CDON: variants seen among roughly 807,000 people sequenced by gnomAD.
CDON encodes cell adhesion associated, oncogene regulated, also known as cell adhesion molecule-related/down-regulated by oncogenes.
In CDON, 73 loss-of-function variants were observed where a neutral mutation model predicts 120.9. The observed-to-expected ratio is 0.60, with a 90% confidence interval of 0.50 to 0.73. The LOEUF is 0.73. CDON is among the 30% of genes least tolerant of loss of function. The probability of loss-of-function intolerance (pLI) is 0.00; values close to 1 mark genes in which losing one functional copy is unlikely to be tolerated. For missense variants in CDON, 1,470 were observed against 1,587.3 expected (o/e 0.93, Z 1.26); for synonymous variants, 566 against 573.5 (o/e 0.99, Z 0.19).
intron 1 of CDON, among the ~76,000 whole-genome samples, chr11:126,036,924 T>C (rs945541750): frequency 6.6e-6 from 1 of 152,146 alleles, no homozygotes; most frequent in African/African-American, 2.4e-5. Context: ...CTGGCCTCAA[T>C]CGATCTGCCT....
At chr11:125,998,987 T>C (rs996487029) in intron 11 of CDON, among the ~76,000 whole-genome samples, 1 of 152,130 alleles carries the variant, frequency 6.6e-6, no homozygotes, top group Non-Finnish European at 1.5e-5. Flanking sequence ...CAACCCACCA[T>C]ACAAATACAT....
At position 126,005,827 on chromosome 11, in the gene CDON, T is replaced by C; in HGVS notation, c.1783A>G (p.Asn595Asp). 1 of 1,614,042 alleles carries C rather than the reference T, an allele frequency of 6.2e-7. No homozygotes were observed. The highest frequency in any genetic ancestry group is 1.7e-5 in the Admixed American group (1 of 60,022). Residue 595 changes from asparagine (N) to aspartate (D), a missense_variant, in exon 9 of 20, where the codon AAC becomes GAC. Transcript: ENST00000531738. ...PPQTHTPDTY[N>D]LVWRAGKDGG... Reference sequence around the variant, plus strand: ...TCCTTGCCTGCCCTCCACACCAGGTTGTACGTGTCTGGTGTGTGGGTCTGT... The same window carrying C: ...TCCTTGCCTGCCCTCCACACCAGGTCGTACGTGTCTGGTGTGTGGGTCTGT...
chr11:125,985,318 C>A (rs978159659), intron 15 of CDON, among the ~76,000 whole-genome samples: 1 of 152,186 alleles, frequency 6.6e-6, no homozygotes, highest in Non-Finnish European at 1.5e-5. Context: ...GGATTACACA[C>A]ATGTGCCCCC....
rs1290394665 is a variant in CDON, at chr11:125,981,121, C to T, written c.3204G>A (p.Gly1068=). Reference sequence around the variant, plus strand: ...GAGAGTTGCTGTGCCCGGAGTAAAGCCCTCCATTTAGGCTCCCATTCACAA... The same window carrying T: ...GAGAGTTGCTGTGCCCGGAGTAAAGTCCTCCATTTAGGCTCCCATTCACAA... ...NGIVNGSLNG[G]LYSGHSNSLT... The change falls in exon 17 of 20, where the codon GGG becomes GGA. Residue 1068 remains glycine (G), a synonymous_variant. Transcript: ENST00000531738. The T allele has an allele frequency of 6.2e-7, 1 of 1,614,136 alleles. No individual in the cohort carries two copies. The highest frequency in any genetic ancestry group is 1.3e-5 in the African/African-American group (1 of 75,048).
chr11:126,050,492 GCAAA>G (rs1948529141), intron 1 of CDON, among the ~76,000 whole-genome samples: 1 of 105,368 alleles, frequency 9.5e-6, no homozygotes, highest in Admixed American at 1.1e-4. Flanking sequence ...CCTGTAAGTA[GCAAA>G]CACACACACA....
At chr11:126,001,987 C>T in intron 10 of CDON, 137 bp from the exon 11 acceptor site, 1 of 697,312 alleles carries the variant, frequency 1.4e-6, no homozygotes, top group Non-Finnish European at 2.6e-6. Context: ...AAATGTAAGA[C>T]CTACTTCATA....
In CDON at chr11:126,010,372, A is replaced by G; in HGVS notation, c.1521T>C (p.Gly507=). The G allele has an allele frequency of 6.2e-7, 1 of 1,613,062 alleles. No homozygotes were observed. The highest frequency in any genetic ancestry group is 2.2e-5 in the East Asian group (1 of 44,816). ...TGAGAGATGCTTCTGCCTGTGTGGTACCATGTTCATTTGCAGCTTCGCAGA... is the reference window on the plus strand; with the variant it reads ...TGAGAGATGCTTCTGCCTGTGTGGTGCCATGTTCATTTGCAGCTTCGCAGA... ...KYICEAANEH[G]TTQAEASLMV... Residue 507 remains glycine (G), a synonymous_variant, in exon 8 of 20, where the codon GGT becomes GGC. Coordinates refer to ENST00000531738, the MANE Select transcript of CDON (RefSeq NM_001378964.1).
intron 18 of CDON, among the ~76,000 whole-genome samples, chr11:125,965,215 G>A (rs1257275099): frequency 9.2e-5 from 14 of 152,220 alleles, no homozygotes; most frequent in Admixed American, 7.8e-4. Flanking sequence ...ACGGGCGTAA[G>A]CCATCACGCC....
In CDON at chr11:125,994,903, C is replaced by T. The variant is rs1198900154; in HGVS notation, c.2512G>A (p.Val838Ile). The change falls in exon 13 of 20, where the codon GTC (valine) becomes ATC (isoleucine). Residue 838 changes from valine to isoleucine, a missense_variant. By Grantham distance (29) the Val-to-Ile change is conservative (BLOSUM62 3). Transcript: ENST00000531738. Reference sequence around the variant, plus strand: ...TTTAGCATGATCTGAGTATCGCTGACAGCCTCTGTGTATGCAATGTGAGGT... The same window carrying T: ...TTTAGCATGATCTGAGTATCGCTGATAGCCTCTGTGTATGCAATGTGAGGT... ...TGPHIAYTEA[V>I]SDTQIMLKWT... 6.2e-7 allele frequency: 1 copy of T among 1,614,096 alleles called. No individual in the cohort carries two copies. Among genetic ancestry groups the T allele is most frequent in the Non-Finnish European group, 8.5e-7 (1 of 1,179,978 alleles).
chr11:126,032,082 G>A (rs971607770), intron 1 of CDON, among the ~76,000 whole-genome samples: 4 of 152,138 alleles, frequency 2.6e-5, no homozygotes. Flanking sequence ...CAATAGACAT[G>A]CTTTACACTA....
chr11:126,042,874 C>T (rs1008661728), intron 1 of CDON, among the ~76,000 whole-genome samples: 1 of 152,190 alleles, frequency 6.6e-6, no homozygotes, highest in Non-Finnish European at 1.5e-5. Context: ...CCACCTGCCT[C>T]GGCCTCCCAA....
chr11:125,971,250 G>A (rs965013595), intron 18 of CDON, among the ~76,000 whole-genome samples: 17 of 151,972 alleles, frequency 1.1e-4, no homozygotes, highest in African/African-American at 9.7e-5. Flanking sequence ...GGGTGTGGTG[G>A]CGGGCACTTG....
chr11:125,977,692 C>T (rs926445024), intron 18 of CDON, among the ~76,000 whole-genome samples: 29 of 152,158 alleles, frequency 1.9e-4, no homozygotes, highest in African/African-American at 6.5e-4. Context: ...GAAAGTGTGC[C>T]GAGTATCCTA....
At chr11:125,966,808 A>C (rs191212325) in intron 18 of CDON, among the ~76,000 whole-genome samples, 2 of 152,312 alleles carry the variant, frequency 1.3e-5, no homozygotes, top group Admixed American at 6.5e-5. Flanking sequence ...GCAATAAAGT[A>C]ACAGAATAAT....
At chr11:125,992,943 C>T (rs79415223) in intron 14 of CDON, among the ~76,000 whole-genome samples, 5,217 of 152,174 alleles carry the variant, frequency 0.034, 145 homozygotes, top group African/African-American at 0.071. Context: ...AGCAAGAATC[C>T]CTTCCAAGAT....
chr11:126,026,546 T>C (rs2134726961), intron 1 of CDON, among the ~76,000 whole-genome samples: 1 of 152,288 alleles, frequency 6.6e-6, no homozygotes, highest in East Asian at 1.9e-4. Flanking sequence ...TCAAATAGTA[T>C]CTCCCAGAAT....
intron 14 of CDON, among the ~76,000 whole-genome samples, chr11:125,992,378 T>C (rs1946655890): frequency 6.6e-6 from 1 of 152,204 alleles, no homozygotes. Context: ...TGGCATAAAG[T>C]ATGCATACAG....
Position 125,995,041 on chromosome 11 carries a change from TG to T in CDON, c.2373del (p.Tyr791Ter). On this transcript the variant is annotated frameshift_variant, in exon 13 of 20. Transcript: ENST00000531738. LOFTEE classifies it high-confidence loss of function. ...EVRSLEPGSTYKFRVIAINHY... is the reference protein window; with the variant it reads ...EVRSLEPGSTXKFRVIAINHY... ...TGGTTGATGGCAATGACCCTAAATTTGTATGTTGAACCTTTGAGGGAAAACA... is the reference window on the plus strand; with the variant it reads ...TGGTTGATGGCAATGACCCTAAATTTTATGTTGAACCTTTGAGGGAAAACA... The T allele has an allele frequency of 6.2e-7, 1 of 1,613,962 alleles. No homozygotes were observed. The highest frequency in any genetic ancestry group is 8.5e-7 in the Non-Finnish European group (1 of 1,179,930).
chr11:126,063,010 C>T (rs1031381271), upstream of CDON, among the ~76,000 whole-genome samples: 5 of 151,872 alleles, frequency 3.3e-5, no homozygotes, highest in African/African-American at 1.2e-4. Flanking sequence ...GTAGAGGCCG[C>T]TGTGCCCCGC....
Sources: allele counts gnomAD v4.1 joint callset (sites outside exome capture counted in the v4.1 genomes callset), GRCh38; gene constraint gnomAD v4.1.1; transcripts MANE v1.5; gene names NCBI Gene and HGNC (gene_info 2026-07-23, HGNC 2026-07-21).